The following PCDHA2 variants were observed in gnomAD, a reference collection of about 807,000 sequenced individuals.
The protein encoded by PCDHA2 is protocadherin alpha 2, also known as protocadherin alpha-2.
A neutral mutation model predicts 66.0 loss-of-function variants in PCDHA2; 58 were observed. The ratio of observed to expected loss-of-function variants is 0.88; its 90% CI spans 0.71 to 1.09. The LOEUF (loss-of-function observed/expected upper bound fraction) is 1.09, where lower values mean the gene tolerates loss of function less well. Among genes scored for constraint, PCDHA2 ranks in the 50% least tolerant of loss-of-function variants. PCDHA2 has a pLI of 0.00. For synonymous variants in PCDHA2, 634 were observed against 554.0 expected, an observed-to-expected ratio of 1.14 and a Z score of -2.03; for missense variants, 1,267 against 1,242.3, an observed-to-expected ratio of 1.02 and a Z score of -0.30.
chr5:140,985,878 T>A (rs891027308), intron 3 of PCDHA2, among the ~76,000 whole-genome samples: 1 of 151,822 alleles, frequency 6.6e-6, no homozygotes, highest in South Asian at 2.1e-4. Flanking sequence ...TAGCTGGGAC[T>A]ACAGGCGCCC....
At chr5:140,832,011 C>T (rs2150198992) in intron 1 of PCDHA2, among the ~76,000 whole-genome samples, 7 of 152,126 alleles carry the variant, frequency 4.6e-5, no homozygotes, top group South Asian at 2.1e-4. Flanking sequence ...TTTCATTTTA[C>T]GTAAAGATTG....
chr5:140,807,612 T>G (rs782576297), intron 1 of PCDHA2: 19 of 1,614,012 alleles, frequency 1.2e-5, no homozygotes, highest in Non-Finnish European at 1.6e-5. Context: ...AACCTGTCCA[T>G]CGCGGAATCC....
intron 1 of PCDHA2, chr5:140,870,875 C>T (rs1235290760): frequency 3.7e-6 from 6 of 1,613,912 alleles, no homozygotes; most frequent in Non-Finnish European, 5.1e-6. Context: ...CACGTGGTGG[C>T]GAAGGTGCGC....
chr5:140,883,534 A>G, intron 1 of PCDHA2: 1 of 1,614,196 alleles, frequency 6.2e-7, no homozygotes, highest in Non-Finnish European at 8.5e-7. Context: ...CAGCCTATGA[A>G]CTGGTGGTGA....
chr5:140,850,280 C>T lies in PCDHA2; in HGVS notation c.2388+52928C>T. ...CCGGCGTAGTGGTGGGGAAGGTGCG[C>T]GCAGTGGACGCCGACTCGGGCTACA... is the stretch of plus-strand genomic sequence containing the variant. On this transcript the variant is annotated intron_variant, in intron 1 of 3. Coordinates refer to ENST00000526136, the MANE Select transcript of PCDHA2 (RefSeq NM_018905.3). The T allele has an allele frequency of 3.1e-6, 5 of 1,595,478 alleles. 1 individual carries two copies. Among genetic ancestry groups the T allele is most frequent in the Non-Finnish European group, 8.6e-7 (1 of 1,167,556 alleles).
Position 140,795,634 on chromosome 5 carries a change from G to C in PCDHA2, c.670G>C (p.Gly224Arg). Residue 224 changes from glycine to arginine, a missense_variant, in exon 1 of 4, where the codon GGC becomes CGC. Coordinates refer to ENST00000526136, the MANE Select transcript of PCDHA2 (RefSeq NM_018905.3). ...TGATGGGGGCAAACCTGAGCTCACG[G>C]GCACCGTTCAAATACTTATTAAGGT... ...ATDGGKPELT[G>R]TVQILIKVLD... 1 of 1,614,130 alleles carries C rather than the reference G, an allele frequency of 6.2e-7. No individual in the cohort carries two copies. The highest frequency in any genetic ancestry group is 8.5e-7 in the Non-Finnish European group (1 of 1,180,040).
intron 1 of PCDHA2, chr5:140,883,049 G>A: frequency 6.2e-7 from 1 of 1,614,182 alleles, no homozygotes; most frequent in South Asian, 1.1e-5. Context: ...TGGAACATTA[G>A]TGATCAAGCT....
intron 1 of PCDHA2, chr5:140,841,712 C>T (rs1444200684): frequency 9.9e-6 from 16 of 1,613,754 alleles, no homozygotes; most frequent in Non-Finnish European, 1.4e-5. Flanking sequence ...TGACAACCCG[C>T]CAGTGTTCCG....
At chr5:140,946,059 G>T (rs979423479) in intron 1 of PCDHA2, among the ~76,000 whole-genome samples, 4 of 152,038 alleles carry the variant, frequency 2.6e-5, no homozygotes, top group Non-Finnish European at 4.4e-5. Flanking sequence ...CAGAATGGGA[G>T]AAAATATTTG....
At chr5:140,995,837 C>T (rs1554254841) in intron 3 of PCDHA2, among the ~76,000 whole-genome samples, 2 of 152,158 alleles carry the variant, frequency 1.3e-5, no homozygotes, top group Non-Finnish European at 2.9e-5. Context: ...TGCACAGTGC[C>T]TCACATTTCT....
chr5:140,972,540 T>G (rs1375467339), intron 1 of PCDHA2, among the ~76,000 whole-genome samples: 2 of 152,148 alleles, frequency 1.3e-5, no homozygotes, highest in Non-Finnish European at 2.9e-5. Flanking sequence ...AAATCACTTG[T>G]GCAGTGAGGA....
chr5:140,811,542 A>G (rs1410589900), intron 1 of PCDHA2: 2 of 152,144 alleles, frequency 1.3e-5, no homozygotes, highest in East Asian at 3.8e-4. Context: ...GTCAAATGGT[A>G]TTTCTAGTTC....
intron 1 of PCDHA2, chr5:140,969,257 AATC>A (rs782398697): frequency 1.2e-6 from 2 of 1,614,102 alleles, no homozygotes; most frequent in African/African-American, 2.7e-5. Context: ...TGACAGCAGG[AATC>A]TCACAGGCCA....
At position 140,854,099 on chromosome 5, in the gene PCDHA2, C is replaced by T. The variant is rs139574544; in HGVS notation, c.2388+56747C>T. 48 of 268,552 alleles carry T rather than the reference C, an allele frequency of 1.8e-4. 2 individuals are homozygous for T. Among genetic ancestry groups the T allele is most frequent in the African/African-American group, 8.8e-4 (36 of 40,902 alleles). 16.6% of individuals were successfully genotyped at this position (268,552 alleles called of 1,614,324 possible). The stretch of plus-strand genomic sequence containing the variant: ...ATCGCTTGAGCCTGGGACATTGAGG[C>T]TGCAGTGAACTGTGATGGCACAACT... On this transcript the variant is annotated intron_variant, in intron 1 of 3. Transcript: ENST00000526136.
chr5:140,805,329 G>A, intron 1 of PCDHA2: 1 of 1,245,960 alleles, frequency 8.0e-7, no homozygotes. Flanking sequence ...TGTGCTTGAT[G>A]TCAATGATCA....
chr5:140,840,052 T>C (rs1449998966), intron 1 of PCDHA2, among the ~76,000 whole-genome samples: 1 of 152,072 alleles, frequency 6.6e-6, no homozygotes, highest in Non-Finnish European at 1.5e-5. Flanking sequence ...GGAAGTCTAA[T>C]GTCTTGACAA....
intron 1 of PCDHA2, chr5:140,929,578 TA>T: frequency 2.2e-6 from 1 of 445,404 alleles, no homozygotes; most frequent in Non-Finnish European, 4.0e-6. Flanking sequence ...ATAAAAGTAA[TA>T]TGACATAAAG....
intron 1 of PCDHA2, chr5:140,803,177 C>T (rs144811750): frequency 1.9e-6 from 3 of 1,613,890 alleles, no homozygotes; most frequent in South Asian, 2.2e-5. Context: ...CCTCATTGAC[C>T]GCCACGGCCA....
At chr5:140,854,022 C>A in intron 1 of PCDHA2, 1 of 318,106 alleles carries the variant, frequency 3.1e-6, no homozygotes, top group Non-Finnish European at 4.7e-6. Context: ...ATTAGCCGGG[C>A]ATGGTGGCAC....
Sources: allele counts gnomAD v4.1 joint callset (sites outside exome capture counted in the v4.1 genomes callset), GRCh38; gene constraint gnomAD v4.1.1; transcripts MANE v1.5; gene names NCBI Gene and HGNC (gene_info 2026-07-23, HGNC 2026-07-21).